The following HS6ST3 variants were observed in gnomAD, a reference collection of about 807,000 sequenced individuals.
The protein encoded by HS6ST3 is heparan-sulfate 6-O-sulfotransferase 3.
HS6ST3 carries 12 observed loss-of-function variants against 36.7 expected under a neutral mutation model. That is an observed-to-expected ratio of 0.33 (90% CI 0.21 to 0.53). HS6ST3 has a LOEUF of 0.53. Among genes scored for constraint, HS6ST3 ranks in the 20% least tolerant of loss-of-function variants. The pLI, the probability that HS6ST3 is intolerant of heterozygous loss-of-function variation, is 0.95. For synonymous variants in HS6ST3, 240 were observed against 257.5 expected (o/e 0.93, Z 0.65); for missense variants, 584 against 640.9 (o/e 0.91, Z 0.96).
At chr13:96,110,309 C>T (rs1000443865) in intron 1 of HS6ST3, among the ~76,000 whole-genome samples, 8 of 152,132 alleles carry the variant, frequency 5.3e-5, no homozygotes, top group Admixed American at 3.3e-4. Context: ...CAGAGTGAGA[C>T]TCACTTGTGA....
intron 1 of HS6ST3, among the ~76,000 whole-genome samples, chr13:96,136,782 A>G (rs1383131034): frequency 6.6e-6 from 1 of 151,038 alleles, no homozygotes; most frequent in African/African-American, 2.4e-5. Flanking sequence ...GCCTATTTCA[A>G]AATAGGATAT....
chr13:96,101,708 G>C (rs1403708091), intron 1 of HS6ST3, among the ~76,000 whole-genome samples: 1 of 152,014 alleles, frequency 6.6e-6, no homozygotes, highest in Non-Finnish European at 1.5e-5. Flanking sequence ...ATTGACATTG[G>C]TACATATATG....
At chr13:96,830,097 A>T (rs896570650) in intron 1 of HS6ST3, among the ~76,000 whole-genome samples, 2 of 151,950 alleles carry the variant, frequency 1.3e-5, no homozygotes, top group Admixed American at 6.6e-5. Flanking sequence ...AACATATGAG[A>T]TATTCAACAC....
intron 1 of HS6ST3, among the ~76,000 whole-genome samples, chr13:96,449,339 A>G (rs1299888296): frequency 6.6e-6 from 1 of 152,208 alleles, no homozygotes; most frequent in Admixed American, 6.5e-5. Flanking sequence ...CTTCCACTCC[A>G]GGAAGATACT....
intron 1 of HS6ST3, among the ~76,000 whole-genome samples, chr13:96,789,291 T>C (rs1052247527): frequency 1.3e-5 from 2 of 151,882 alleles, no homozygotes; most frequent in African/African-American, 4.8e-5. Context: ...ATTTTATCAA[T>C]ATAGAGGTCC....
At chr13:96,337,831 C>T (rs551647574) in intron 1 of HS6ST3, among the ~76,000 whole-genome samples, 79 of 151,842 alleles carry the variant, frequency 5.2e-4, no homozygotes, top group African/African-American at 1.8e-3. Flanking sequence ...CCTGAATTTT[C>T]TTATAATTTA....
intron 1 of HS6ST3, among the ~76,000 whole-genome samples, chr13:96,309,552 A>G (rs1411277123): frequency 6.6e-6 from 1 of 152,172 alleles, no homozygotes; most frequent in Non-Finnish European, 1.5e-5. Flanking sequence ...TTTAACATTA[A>G]TGCAAACTCT....
chr13:96,521,364 T>A (rs1227086327), intron 1 of HS6ST3, among the ~76,000 whole-genome samples: 1 of 152,208 alleles, frequency 6.6e-6, no homozygotes, highest in Non-Finnish European at 1.5e-5. Context: ...GCTGGCCTTA[T>A]AAAATGAGTT....
chr13:96,278,423 T>G (rs555749728), intron 1 of HS6ST3, among the ~76,000 whole-genome samples: 2 of 152,328 alleles, frequency 1.3e-5, no homozygotes, highest in East Asian at 3.9e-4. Flanking sequence ...GGCAAAACTC[T>G]TTTTTAAAGA....
At chr13:96,223,535 A>G (rs148319212) in intron 1 of HS6ST3, among the ~76,000 whole-genome samples, 66 of 152,328 alleles carry the variant, frequency 4.3e-4, no homozygotes, top group Middle Eastern at 3.4e-3. Flanking sequence ...CCTGAACCCA[A>G]GAACCTTCCC....
At chr13:96,816,513 G>A (rs963248181) in intron 1 of HS6ST3, among the ~76,000 whole-genome samples, 1 of 152,190 alleles carries the variant, frequency 6.6e-6, no homozygotes, top group African/African-American at 2.4e-5. Context: ...CCAGGGATTT[G>A]TTTAACAACA....
intron 1 of HS6ST3, among the ~76,000 whole-genome samples, chr13:96,215,606 A>G (rs985040639): frequency 6.6e-6 from 1 of 152,084 alleles, no homozygotes; most frequent in Admixed American, 6.6e-5. Flanking sequence ...ATTCTTTTGT[A>G]GTTTCAATTT....
intron 1 of HS6ST3, among the ~76,000 whole-genome samples, chr13:96,298,143 T>C (rs955249606): frequency 6.6e-6 from 1 of 152,228 alleles, no homozygotes; most frequent in African/African-American, 2.4e-5. Flanking sequence ...ATTACTGAAA[T>C]GGTCCAGCTT....
chr13:96,319,461 G>T (rs1051290307), intron 1 of HS6ST3, among the ~76,000 whole-genome samples: 2 of 152,250 alleles, frequency 1.3e-5, no homozygotes, highest in East Asian at 3.9e-4. Flanking sequence ...AAACATTCAT[G>T]TATGAGTCTT....
intron 1 of HS6ST3, among the ~76,000 whole-genome samples, chr13:96,180,193 C>T (rs974738440): frequency 5.3e-5 from 8 of 152,228 alleles, no homozygotes; most frequent in African/African-American, 9.6e-5. Flanking sequence ...GACATACACA[C>T]GCACACACAC....
intron 1 of HS6ST3, among the ~76,000 whole-genome samples, chr13:96,137,764 C>T (rs572700762): frequency 6.6e-6 from 1 of 152,268 alleles, no homozygotes; most frequent in Non-Finnish European, 1.5e-5. Context: ...CTACAAGGCC[C>T]ATCCCTGTTT....
intron 1 of HS6ST3, among the ~76,000 whole-genome samples, chr13:96,248,971 G>A (rs2149316): frequency 0.57 from 87,118 of 151,870 alleles, 25,249 homozygotes; most frequent in Admixed American, 0.67. Flanking sequence ...TAGGTTTATA[G>A]CCTTTCATGG....
Position 96,486,113 on chromosome 13 carries a change from T to C in HS6ST3, c.708-346377T>C, listed in dbSNP as rs867891236. 1.3e-5 allele frequency among the ~76,000 whole-genome samples: 2 copies of C among 148,326 alleles called. 1 individual carries two copies. The highest frequency in any genetic ancestry group is 4.3e-4 in the South Asian group (2 of 4,606). On this transcript the variant is annotated intron_variant, in intron 1 of 1. Transcript: ENST00000376705. ...CCCACCTGTGAGTGAGAACATGCGG[T>C]GTTTGGTTTTTTGTCCTTTCGATAG...
intron 1 of HS6ST3, among the ~76,000 whole-genome samples, chr13:96,663,709 A>G (rs906861926): frequency 2.0e-5 from 3 of 152,240 alleles, no homozygotes; most frequent in African/African-American, 7.2e-5. Context: ...GGATTTTCAC[A>G]GCAGTATTAT....
Sources: gnomAD v4.1 joint callset for allele counts (sites outside exome capture counted in the v4.1 genomes callset) on GRCh38, gnomAD v4.1.1 for gene constraint, MANE v1.5 for transcripts, NCBI Gene and HGNC (gene_info 2026-07-23, HGNC 2026-07-21) for gene names.